Variants in MIGA1 observed in about 807,000 individuals in gnomAD.
MIGA1 encodes the protein mitoguardin 1, also known as family with sequence similarity 73, member A.
In MIGA1, 58 loss-of-function variants were observed where a neutral mutation model predicts 82.0. The observed-to-expected ratio is 0.71, with a 90% CI of 0.57 to 0.88. The LOEUF (loss-of-function observed/expected upper bound fraction) is 0.88, where lower values mean the gene tolerates loss of function less well. Among genes scored for constraint, MIGA1 ranks in the 40% least tolerant of loss-of-function variants. The probability of loss-of-function intolerance (pLI) is 0.00; values close to 1 mark genes in which losing one functional copy is unlikely to be tolerated. For synonymous variants in MIGA1, 249 were observed against 253.6 expected (o/e 0.98, Z 0.17); for missense variants, 751 against 749.1 (o/e 1.00, Z -0.03).
chr1:77,810,888 A>G lies in MIGA1; in HGVS notation c.638-2846A>G, dbSNP rs889720105. 5.0e-6 allele frequency: 8 copies of G among 1,611,708 alleles called. No homozygotes were observed. The African/African-American group carries it at 5.3e-5, about 11-fold the overall frequency. ...ATTCCTTGTGCAAAGTTTGATGTAG[A>G]TGAAGATAAAGTGGTTTCTTGGTCA... On this transcript the variant is annotated intron_variant, in intron 5 of 15. Coordinates refer to ENST00000370791, the MANE Select transcript of MIGA1 (RefSeq NM_198549.4).
At chr1:77,836,332 C>T (rs1217980508) in intron 7 of MIGA1, among the ~76,000 whole-genome samples, 6 of 152,098 alleles carry the variant, frequency 3.9e-5, no homozygotes, top group Non-Finnish European at 7.3e-5. Flanking sequence ...AGCTCTAGAA[C>T]CCATGGTTTT....
intron 8 of MIGA1, among the ~76,000 whole-genome samples, chr1:77,851,022 AC>A (rs1685027802): frequency 6.6e-6 from 1 of 152,132 alleles, no homozygotes; most frequent in African/African-American, 2.4e-5. Context: ...GGCACCTGCC[AC>A]CACACCCAGC....
intron 2 of MIGA1, among the ~76,000 whole-genome samples, chr1:77,785,365 G>T (rs375007087): frequency 6.6e-6 from 1 of 150,576 alleles, no homozygotes; most frequent in South Asian, 2.1e-4. Flanking sequence ...TTTTTTGAGA[G>T]GGAGTTTGGC....
intron 2 of MIGA1, among the ~76,000 whole-genome samples, chr1:77,789,886 G>A (rs1682343894): frequency 6.6e-6 from 1 of 152,060 alleles, no homozygotes; most frequent in East Asian, 1.9e-4. Flanking sequence ...AGTCAATTCA[G>A]ATTACAGTGA....
chr1:77,783,784 A>C (rs1682024112), intron 2 of MIGA1, among the ~76,000 whole-genome samples: 1 of 152,164 alleles, frequency 6.6e-6, no homozygotes, highest in East Asian at 1.9e-4. Context: ...AATTTTTTTC[A>C]TCTTGCAAAA....
At chr1:77,793,143 G>A (rs901507718) in intron 2 of MIGA1, among the ~76,000 whole-genome samples, 1 of 151,904 alleles carries the variant, frequency 6.6e-6, no homozygotes. Flanking sequence ...TCTCTCTGTT[G>A]CCCGGGCTGG....
Position 77,876,464 on chromosome 1 carries a change from C to T in MIGA1, c.*1400C>T, listed in dbSNP as rs1646894692. ...AGAACTTTCTTTTTATACATTAGAGCATTTTCCCCTGGAATGAGTATTGAT... is the reference window on the plus strand; with the variant it reads ...AGAACTTTCTTTTTATACATTAGAGTATTTTCCCCTGGAATGAGTATTGAT... On this transcript the variant is annotated 3_prime_UTR_variant, in exon 16 of 16. Coordinates refer to ENST00000370791, the MANE Select transcript of MIGA1 (RefSeq NM_198549.4). 1 of 152,172 alleles carries T rather than the reference C, an allele frequency of 6.6e-6. No homozygotes were observed. The allele number at this position is 152,172 out of a possible 1,614,324, so 9.4% of individuals were successfully genotyped here. A position where few individuals can be genotyped will look rare whatever the true frequency, so the allele number is the denominator to read the frequency against.
intron 7 of MIGA1, among the ~76,000 whole-genome samples, chr1:77,827,559 TAG>T (rs1235180665): frequency 4.6e-5 from 7 of 152,104 alleles, no homozygotes; most frequent in South Asian, 2.1e-4. Context: ...GCCAGCTGCG[TAG>T]AGATTCCCTG....
intron 7 of MIGA1, among the ~76,000 whole-genome samples, chr1:77,822,835 GT>G (rs752488187): frequency 0.074 from 8,084 of 109,400 alleles, 171 homozygotes; most frequent in East Asian, 0.11. Context: ...CTTTCAGCAT[GT>G]TTTTTTTTTT....
chr1:77,780,695 T>G (rs1468794072), intron 1 of MIGA1, among the ~76,000 whole-genome samples: 1 of 152,198 alleles, frequency 6.6e-6, no homozygotes, highest in African/African-American at 2.4e-5. Flanking sequence ...AGATTCCGTC[T>G]ATAAATTTGA....
At chr1:77,805,989 G>A (rs989178297) in intron 4 of MIGA1, among the ~76,000 whole-genome samples, 3 of 152,150 alleles carry the variant, frequency 2.0e-5, no homozygotes, top group African/African-American at 7.2e-5. Flanking sequence ...TTGCCTAACT[G>A]AACTAGTCAT....
At chr1:77,794,995 GCT>G (rs1682591601) in intron 2 of MIGA1, among the ~76,000 whole-genome samples, 2 of 151,540 alleles carry the variant, frequency 1.3e-5, no homozygotes, top group Non-Finnish European at 2.9e-5. Flanking sequence ...ATGCACCCTT[GCT>G]CTGTTGCCCA....
At chr1:77,821,376 T>A (rs941848761) in intron 7 of MIGA1, among the ~76,000 whole-genome samples, 1 of 152,004 alleles carries the variant, frequency 6.6e-6, no homozygotes, top group Non-Finnish European at 1.5e-5. Flanking sequence ...TTCTGAATTG[T>A]TAAATAGTTT....
At chr1:77,806,317 A>T (rs528618723) in intron 4 of MIGA1, among the ~76,000 whole-genome samples, 1 of 152,310 alleles carries the variant, frequency 6.6e-6, no homozygotes, top group Admixed American at 6.5e-5. Context: ...GGTAGGGTTG[A>T]CTGTTGTATA....
At chr1:77,793,752 A>T (rs1682534200) in intron 2 of MIGA1, among the ~76,000 whole-genome samples, 1 of 146,896 alleles carries the variant, frequency 6.8e-6, no homozygotes. Context: ...GGCGTGAACC[A>T]CTGTGCCTGG....
chr1:77,781,490 A>G (rs1445078181), intron 1 of MIGA1, among the ~76,000 whole-genome samples: 1 of 152,230 alleles, frequency 6.6e-6, no homozygotes, highest in South Asian at 2.1e-4. Context: ...ATATTAAAAA[A>G]GTAATACATG....
intron 7 of MIGA1, among the ~76,000 whole-genome samples, chr1:77,834,415 G>A (rs1260649204): frequency 6.6e-6 from 1 of 152,038 alleles, no homozygotes; most frequent in Non-Finnish European, 1.5e-5. Flanking sequence ...GGGTCAAGTG[G>A]TCCTCCCGCC....
At chr1:77,803,524 CTGAA>C (rs750482654) in intron 4 of MIGA1, 118 bp downstream of exon 4, 1 of 433,666 alleles carries the variant, frequency 2.3e-6, no homozygotes, top group Non-Finnish European at 3.9e-6. Context: ...AAGAAATCGT[CTGAA>C]TGTGCTTTCT....
chr1:77,792,319 A>T (rs1433124357), intron 2 of MIGA1, among the ~76,000 whole-genome samples: 2 of 152,092 alleles, frequency 1.3e-5, no homozygotes, highest in African/African-American at 4.8e-5. Context: ...ACAGATTATC[A>T]GTTTTGAGGT....
Sources: gnomAD v4.1 joint callset for allele counts (sites outside exome capture counted in the v4.1 genomes callset) on GRCh38, gnomAD v4.1.1 for gene constraint, MANE v1.5 for transcripts, NCBI Gene and HGNC (gene_info 2026-07-23, HGNC 2026-07-21) for gene names.